The following CLTA variants were observed in gnomAD, a reference collection of about 807,000 sequenced individuals.
CLTA encodes clathrin light chain A, also known as clathrin, light polypeptide (Lca).
Under a neutral mutation model 26.9 loss-of-function variants are expected in CLTA, and 9 were observed. That is an observed-to-expected ratio of 0.33 (90% confidence interval 0.20 to 0.58). CLTA has a LOEUF of 0.58. Ranked by LOEUF, CLTA falls within the 20% of genes least tolerant of loss-of-function variation. The probability of loss-of-function intolerance (pLI) is 0.85; values close to 1 mark genes in which losing one functional copy is unlikely to be tolerated. For synonymous variants in CLTA, 120 were observed against 115.5 expected, an observed-to-expected ratio of 1.04 and a Z score of -0.25; for missense variants, 278 against 294.2, an observed-to-expected ratio of 0.94 and a Z score of 0.40.
chr9:36,205,992 C>A (rs1270591092), intron 4 of CLTA, among the ~76,000 whole-genome samples: 1 of 152,078 alleles, frequency 6.6e-6, no homozygotes, highest in Non-Finnish European at 1.5e-5. Flanking sequence ...GATCTCCTGA[C>A]CTCGTGATCT....
chr9:36,205,292 C>G (rs1827649045), intron 4 of CLTA, among the ~76,000 whole-genome samples: 1 of 151,378 alleles, frequency 6.6e-6, no homozygotes, highest in African/African-American at 2.5e-5. Flanking sequence ...CAGTCCCAGT[C>G]CCACAGGACT....
chr9:36,198,953 A>G (rs765171998), intron 2 of CLTA, 26 bp from the exon 3 acceptor site: 10 of 1,499,586 alleles, frequency 6.7e-6, no homozygotes, highest in Non-Finnish European at 7.4e-6. Flanking sequence ...TGGTATTAAT[A>G]TAGCACAATT....
At chr9:36,203,943 C>T in intron 3 of CLTA, 125 bp from the exon 4 acceptor site, 2 of 1,330,726 alleles carry the variant, frequency 1.5e-6, no homozygotes, top group Non-Finnish European at 2.0e-6. Flanking sequence ...CTACTCTTCT[C>T]CCCCAACAGG....
chr9:36,199,512 C>T (rs1160472188), intron 3 of CLTA, among the ~76,000 whole-genome samples: 4 of 149,246 alleles, frequency 2.7e-5, no homozygotes, highest in Non-Finnish European at 4.4e-5. Context: ...TGCAGTGGTG[C>T]GATCTCGGCT....
chr9:36,196,931 T>C (rs987599569), intron 1 of CLTA, among the ~76,000 whole-genome samples: 1 of 152,148 alleles, frequency 6.6e-6, no homozygotes, highest in African/African-American at 2.4e-5. Context: ...TCCAATACTT[T>C]GGGAGACCGA....
rs1587228566 is a variant in CLTA at position 36,202,000 on chromosome 9, G to A, written c.374-2068G>A. Among the ~76,000 whole-genome samples the A allele has an allele frequency of 4.0e-5, 6 of 151,802 alleles. No homozygotes were observed. The South Asian group carries it at 1.2e-3, about 32-fold the overall frequency. On this transcript the variant is annotated intron_variant, in intron 3 of 4. Coordinates refer to ENST00000345519, the MANE Select transcript of CLTA (RefSeq NM_001833.4). ...GTGGTGCACGCTTGTGGTCCCAGCT[G>A]CTTAGGAGATTGAGGTGGGAGGATC...
chr9:36,191,770 G>T (rs1316010377), intron 1 of CLTA, among the ~76,000 whole-genome samples: 1 of 152,252 alleles, frequency 6.6e-6, no homozygotes, highest in East Asian at 1.9e-4. Context: ...GGTGTACAGA[G>T]TGTTGGATTA....
intron 3 of CLTA, 118 bp downstream of exon 3, chr9:36,199,214 T>TA (rs1827253645): frequency 1.4e-6 from 1 of 735,894 alleles, no homozygotes; most frequent in African/African-American, 1.7e-5. Flanking sequence ...TTTGGGAAGA[T>TA]ATCTTCTCAG....
Position 36,199,168 on chromosome 9 carries a change from T to C in CLTA, c.373+72T>C, listed in dbSNP as rs1012104956. On this transcript the variant is annotated intron_variant, in intron 3 of 4. Coordinates refer to ENST00000345519, the MANE Select transcript of CLTA (RefSeq NM_001833.4). ...TTGAGCTGGACTCTACTTTTATTCC[T>C]TTTTAGCTCACATTAACCAGTGTCA... The C allele has an allele frequency of 6.7e-5, 64 of 961,772 alleles. No homozygotes were observed. The Admixed American group carries it at 1.0e-3, about 16-fold the overall frequency. 59.6% of individuals were successfully genotyped at this position (961,772 alleles called of 1,614,324 possible).
At chr9:36,209,296 C>G in intron 4 of CLTA, 1 of 1,613,818 alleles carries the variant, frequency 6.2e-7, no homozygotes, top group Non-Finnish European at 8.5e-7. Context: ...TACAAACAAC[C>G]CTTCGCTGAC....
chr9:36,210,065 TG>T (rs1827951580), intron 4 of CLTA, among the ~76,000 whole-genome samples: 1 of 152,122 alleles, frequency 6.6e-6, no homozygotes, highest in Admixed American at 6.5e-5. Flanking sequence ...GCATCTTCTC[TG>T]GAGAAGGTGT....
chr9:36,196,689 C>T (rs1382729232), intron 1 of CLTA, among the ~76,000 whole-genome samples: 11 of 152,060 alleles, frequency 7.2e-5, no homozygotes, highest in African/African-American at 2.2e-4. Context: ...ATTACAGAGG[C>T]GAAATTGAAT....
chr9:36,205,469 C>T (rs188701370), intron 4 of CLTA, among the ~76,000 whole-genome samples: 42 of 152,192 alleles, frequency 2.8e-4, no homozygotes, highest in Admixed American at 1.0e-3. Flanking sequence ...TCGGTAAAGC[C>T]GAGTGGGGAC....
In CLTA at chr9:36,190,980, T is replaced by C; in HGVS notation, c.-77T>C. Reference sequence around the variant, plus strand: ...CCTCTCCCAGTCGGCACCACAGCGGTGGCTGCCGGGCGTGGTGTCGGTGGG... The same window carrying C: ...CCTCTCCCAGTCGGCACCACAGCGGCGGCTGCCGGGCGTGGTGTCGGTGGG... On this transcript the variant is annotated 5_prime_UTR_variant, in exon 1 of 5. Coordinates refer to ENST00000345519, the MANE Select transcript of CLTA (RefSeq NM_001833.4). 6 of 1,459,504 alleles carry C rather than the reference T, an allele frequency of 4.1e-6. No homozygotes were observed. The highest frequency in any genetic ancestry group is 5.4e-6 in the Non-Finnish European group (6 of 1,115,826). 90.4% of individuals were successfully genotyped at this position (1,459,504 alleles called of 1,614,324 possible). A position where few individuals can be genotyped will look rare whatever the true frequency, so the allele number is the denominator to read the frequency against.
At chr9:36,197,638 T>C in intron 2 of CLTA, 50 bp downstream of exon 2, 1 of 1,408,526 alleles carries the variant, frequency 7.1e-7, no homozygotes, top group Non-Finnish European at 9.9e-7. Context: ...GAATCTTCCT[T>C]TCCTGTGATT....
intron 4 of CLTA, among the ~76,000 whole-genome samples, chr9:36,205,861 G>A (rs544946781): frequency 1.3e-4 from 19 of 145,592 alleles, no homozygotes; most frequent in Admixed American, 3.6e-4. Context: ...CTGGATTCAC[G>A]CCATTCTCCT....
intron 1 of CLTA, among the ~76,000 whole-genome samples, chr9:36,194,331 G>C (rs969564542): frequency 6.6e-6 from 1 of 152,216 alleles, no homozygotes; most frequent in Non-Finnish European, 1.5e-5. Context: ...CCGGTGACAA[G>C]TTATTTCTTG....
At chr9:36,194,858 G>T (rs555103447) in intron 1 of CLTA, among the ~76,000 whole-genome samples, 2 of 152,356 alleles carry the variant, frequency 1.3e-5, no homozygotes, top group East Asian at 1.9e-4. Context: ...GTTGATTCTT[G>T]TAAGAATGTT....
In CLTA at chr9:36,211,735, A is replaced by G; in HGVS notation, c.618A>G (p.Ser206=). 6.2e-7 allele frequency: 1 copy of G among 1,613,840 alleles called. No homozygotes were observed. Among genetic ancestry groups the G allele is most frequent in the Non-Finnish European group, 8.5e-7 (1 of 1,179,774 alleles). Reference sequence around the variant, plus strand: ...CCAAAGATGTCTCCCGCATGCGCTCAGTCCTCATCTCCCTCAAGCAGGCCC... The same window carrying G: ...CCAAAGATGTCTCCCGCATGCGCTCGGTCCTCATCTCCCTCAAGCAGGCCC... ...KQAKDVSRMR[S]VLISLKQAPL... is the part of the protein sequence containing the mutation. Residue 206 remains serine (S), a synonymous_variant, in exon 5 of 5, where the codon TCA becomes TCG. Transcript: ENST00000345519.
Sources: allele counts gnomAD v4.1 joint callset (sites outside exome capture counted in the v4.1 genomes callset), GRCh38; gene constraint gnomAD v4.1.1; transcripts MANE v1.5; gene names NCBI Gene and HGNC (gene_info 2026-07-23, HGNC 2026-07-21).